The following GLYR1 variants were observed in gnomAD, a reference collection of about 807,000 sequenced individuals.
GLYR1 encodes cytokine-like nuclear factor N-PAC.
Under a neutral mutation model 72.7 loss-of-function variants are expected in GLYR1, and 21 were observed. The ratio of observed to expected loss-of-function variants is 0.29; its 90% CI spans 0.20 to 0.42. The LOEUF (loss-of-function observed/expected upper bound fraction) is 0.42. Among genes scored for constraint, GLYR1 ranks in the 10% least tolerant of loss-of-function variants. GLYR1 has a pLI of 1.00. For missense variants in GLYR1, 594 were observed against 712.1 expected (o/e 0.83, Z 1.89); for synonymous variants, 392 against 270.2 (o/e 1.45, Z -4.42).
At chr16:4,813,942 C>T (rs2083471529) in intron 11 of GLYR1, 104 bp from the exon 12 acceptor site, 1 of 814,414 alleles carries the variant, frequency 1.2e-6, no homozygotes, top group Non-Finnish European at 1.9e-6. Context: ...GGCTCATTTC[C>T]TGATTTCTAT....
chr16:4,837,984 T>G (rs2085272547), intron 3 of GLYR1, among the ~76,000 whole-genome samples: 1 of 150,976 alleles, frequency 6.6e-6, no homozygotes, highest in Admixed American at 6.6e-5. Flanking sequence ...AAGATAAGAA[T>G]AAAAATACAG....
intron 9 of GLYR1, 164 bp from the exon 10 acceptor site, chr16:4,817,861 G>A: frequency 1.6e-6 from 1 of 611,348 alleles, no homozygotes; most frequent in Non-Finnish European, 2.9e-6. Flanking sequence ...GGGGCGTCAT[G>A]CACATGGGTC....
chr16:4,845,349 G>A (rs1203285695), intron 2 of GLYR1, among the ~76,000 whole-genome samples, 196 bp from the exon 3 acceptor site: 1 of 152,174 alleles, frequency 6.6e-6, no homozygotes, highest in Non-Finnish European at 1.5e-5. Flanking sequence ...TTCTATTGAG[G>A]TGTATGGAAA....
chr16:4,808,264 C>T (rs1045563544), intron 15 of GLYR1, among the ~76,000 whole-genome samples: 1 of 144,602 alleles, frequency 6.9e-6, no homozygotes, highest in Non-Finnish European at 1.5e-5. Flanking sequence ...AAATACAATT[C>T]AGGAACAGAG....
At chr16:4,835,730 C>A (rs1245250417) in intron 3 of GLYR1, among the ~76,000 whole-genome samples, 2 of 152,132 alleles carry the variant, frequency 1.3e-5, no homozygotes, top group Non-Finnish European at 2.9e-5. Flanking sequence ...ACTCGGAAGG[C>A]TGAGACAGGA....
chr16:4,806,879 G>A lies in GLYR1; in HGVS notation c.1588-1569C>T, dbSNP rs145777650. On this transcript the variant is annotated intron_variant, in intron 15 of 15. Transcript: ENST00000321919. ...TGCAGTGGTGTGATCTCGGCTCACT[G>A]CCAGCTCTGCTCTGCCTCCCGGGTT... is the stretch of plus-strand genomic sequence containing the variant. 2.3e-3 allele frequency among the ~76,000 whole-genome samples: 337 copies of A among 148,702 alleles called. 2 individuals are homozygous for A. The highest frequency in any genetic ancestry group is 7.7e-3 in the African/African-American group (309 of 40,044).
chr16:4,811,933 C>G, intron 13 of GLYR1, 131 bp from the exon 14 acceptor site: 1 of 1,414,190 alleles, frequency 7.1e-7, no homozygotes, highest in East Asian at 2.3e-5. Context: ...GACAGACTGG[C>G]TCTTCCTCCT....
At chr16:4,846,527 C>G (rs2086090554) in intron 1 of GLYR1, 1 of 322,196 alleles carries the variant, frequency 3.1e-6, no homozygotes, top group African/African-American at 2.1e-5. Context: ...CTCCCTAAGT[C>G]TGGTTTAATT....
chr16:4,839,008 T>C (rs2085350747), intron 3 of GLYR1, among the ~76,000 whole-genome samples: 1 of 152,116 alleles, frequency 6.6e-6, no homozygotes, highest in Non-Finnish European at 1.5e-5. Flanking sequence ...TGCTTCAGTC[T>C]CCCAAGTAGC....
chr16:4,816,831 C>A (rs1373404419), intron 10 of GLYR1, among the ~76,000 whole-genome samples: 1 of 151,894 alleles, frequency 6.6e-6, no homozygotes, highest in African/African-American at 2.4e-5. Context: ...ACTAAAAATA[C>A]AAAAAATTAG....
chr16:4,836,004 G>T (rs748918086), intron 3 of GLYR1, among the ~76,000 whole-genome samples: 1 of 151,966 alleles, frequency 6.6e-6, no homozygotes, highest in Non-Finnish European at 1.5e-5. Context: ...TCACCATGTT[G>T]CCCAGGTTGG....
intron 9 of GLYR1, among the ~76,000 whole-genome samples, chr16:4,818,997 G>A (rs1296435292): frequency 1.3e-5 from 2 of 152,200 alleles, no homozygotes; most frequent in East Asian, 3.9e-4. Context: ...CTGGGGGCTG[G>A]ATGCCACTGC....
chr16:4,840,452 A>G (rs1467345200), intron 3 of GLYR1: 1 of 152,168 alleles, frequency 6.6e-6, no homozygotes, highest in Non-Finnish European at 1.5e-5. Flanking sequence ...TTTGTACTCA[A>G]AGCCTTTTTG....
intron 13 of GLYR1, 51 bp downstream of exon 13, chr16:4,812,035 C>G (rs1221288488): frequency 6.3e-7 from 1 of 1,582,542 alleles, no homozygotes; most frequent in African/African-American, 1.4e-5. Context: ...CAGTGTGAAA[C>G]AGAGGAGATG....
chr16:4,812,375 C>T, intron 12 of GLYR1, 127 bp from the exon 13 acceptor site: 1 of 974,606 alleles, frequency 1.0e-6, no homozygotes, highest in South Asian at 1.7e-5. Context: ...GACGGCCACC[C>T]ATACCAAGGT....
intron 14 of GLYR1, 142 bp downstream of exon 14, chr16:4,811,481 G>T: frequency 8.0e-7 from 1 of 1,256,152 alleles, no homozygotes; most frequent in Non-Finnish European, 1.1e-6. Context: ...CCCAAATCCC[G>T]CCCACTGTGT....
chr16:4,844,998 A>G, intron 3 of GLYR1, 76 bp downstream of exon 3: 4 of 946,944 alleles, frequency 4.2e-6, no homozygotes, highest in Non-Finnish European at 6.8e-6. Flanking sequence ...GATCCTTAGA[A>G]TATTTTCAAA....
Position 4,844,945 on chromosome 16 carries a change from A to G in GLYR1, c.155+129T>C, listed in dbSNP as rs1470913368. Reference sequence around the variant, plus strand: ...CACCTTTATTTAGGTATGAAGGCAGAATGAGATGCCAGTATTACACATTAT... The same window carrying G: ...CACCTTTATTTAGGTATGAAGGCAGGATGAGATGCCAGTATTACACATTAT... On this transcript the variant is annotated intron_variant, in intron 3 of 15. Transcript: ENST00000321919. The G allele has an allele frequency of 5.9e-6, 4 of 674,656 alleles. No individual in the cohort carries two copies. In the East Asian group the frequency reaches 1.0e-4, roughly 17 times the overall value. The allele number at this position is 674,656 out of a possible 1,614,324, so 41.8% of individuals were successfully genotyped here. A position where few individuals can be genotyped will look rare whatever the true frequency, so the allele number is the denominator to read the frequency against.
intron 15 of GLYR1, among the ~76,000 whole-genome samples, chr16:4,809,188 GTT>G (rs1263215689): frequency 0.017 from 1,655 of 95,296 alleles, 49 homozygotes; most frequent in African/African-American, 0.065. Context: ...AGCAGCTTTC[GTT>G]TTTTTTTTTT....
Sources: gnomAD v4.1 joint callset for allele counts (sites outside exome capture counted in the v4.1 genomes callset) on GRCh38, gnomAD v4.1.1 for gene constraint, MANE v1.5 for transcripts, NCBI Gene and HGNC (gene_info 2026-07-23, HGNC 2026-07-21) for gene names.